The following ZNF584 variants were observed in gnomAD, a reference collection of about 807,000 sequenced individuals.
ZNF584 encodes zinc finger protein 584.
In ZNF584, 12 loss-of-function variants were observed where a neutral mutation model predicts 14.7. The observed-to-expected ratio is 0.82, with a 90% confidence interval of 0.52 to 1.32. The LOEUF is 1.32. Ranked by LOEUF, ZNF584 falls within the 40% of genes most tolerant of loss-of-function variation. ZNF584 has a pLI of 0.00. For missense variants in ZNF584, 478 were observed against 518.8 expected, an observed-to-expected ratio of 0.92 and a Z score of 0.76; for synonymous variants, 204 against 190.9, an observed-to-expected ratio of 1.07 and a Z score of -0.57.
chr19:58,411,135 T>G (rs11666303), intron 2 of ZNF584, among the ~76,000 whole-genome samples: 27,134 of 151,960 alleles, frequency 0.18, 2,659 homozygotes, highest in Non-Finnish European at 0.22. Context: ...TACTTTATTC[T>G]TCACTGTTAA....
intron 2 of ZNF584, among the ~76,000 whole-genome samples, chr19:58,412,089 C>T (rs2052581586): frequency 6.8e-6 from 1 of 146,964 alleles, no homozygotes; most frequent in South Asian, 2.2e-4. Flanking sequence ...TCAAGTGATT[C>T]TCCTGCCCCC....
chr19:58,409,104 C>A lies in ZNF584; in HGVS notation c.-44C>A. 6.8e-7 allele frequency: 1 copy of A among 1,472,216 alleles called. No homozygotes were observed. Among genetic ancestry groups the A allele is most frequent in the Non-Finnish European group, 9.1e-7 (1 of 1,102,978 alleles). 91.2% of individuals were successfully genotyped at this position (1,472,216 alleles called of 1,614,324 possible). ...TTTCCGCGCCCGGGACGCGTTTCGG[C>A]TGAGGCCGTGGGTCCAGTCCACGGG... On this transcript the variant is annotated 5_prime_UTR_variant, in exon 1 of 4. In the 5' UTR this introduces an upstream ATG that the reference lacks. Coordinates refer to ENST00000306910, the MANE Select transcript of ZNF584 (RefSeq NM_173548.3).
chr19:58,406,829 A>T (rs942558662), upstream of ZNF584: 2 of 152,328 alleles, frequency 1.3e-5, no homozygotes, highest in African/African-American at 4.8e-5. Context: ...CCACCATGAC[A>T]GTCCAGGGGT....
upstream of ZNF584, chr19:58,404,875 CCCACCT>C (rs1489934453): frequency 6.5e-5 from 10 of 154,228 alleles, no homozygotes; most frequent in African/African-American, 2.3e-4. Flanking sequence ...GACCCCCCCC[CCCACCT>C]CCCTCCTGGA....
Position 58,417,504 on chromosome 19 carries a change from A to T in ZNF584, c.986A>T (p.Lys329Met). 1 of 1,614,206 alleles carries T rather than the reference A, an allele frequency of 6.2e-7. No individual in the cohort carries two copies. The highest frequency in any genetic ancestry group is 8.5e-7 in the Non-Finnish European group (1 of 1,180,034). ...VHTGERPFECKQCGKGYVTRS... is the reference protein window; with the variant it reads ...VHTGERPFECMQCGKGYVTRS... The stretch of plus-strand genomic sequence containing the variant: ...ACTGGAGAAAGGCCTTTTGAATGCA[A>T]GCAATGTGGGAAAGGCTACGTGACC... The change falls in exon 4 of 4, where the codon AAG becomes ATG. Residue 329 changes from lysine (K) to methionine (M), a missense_variant. By Grantham distance (95) the Lys-to-Met change is moderately conservative. Around this residue, in one of 3 missense-constraint regions of ZNF584, gnomAD observed 283 missense variants for 317.3 expected, o/e 0.89. Transcript: ENST00000306910.
chr19:58,401,674 G>A (rs1355929245), intron 1 of ZNF584: 1 of 151,720 alleles, frequency 6.6e-6, no homozygotes, highest in Non-Finnish European at 1.5e-5. Flanking sequence ...TGAGCAGCAA[G>A]CGAGAGACCA....
chr19:58,409,295 G>A, intron 1 of ZNF584, 130 bp downstream of exon 1: 1 of 1,124,814 alleles, frequency 8.9e-7, no homozygotes, highest in Non-Finnish European at 1.2e-6. Context: ...GCACGGCTGG[G>A]GCATGCCCTT....
chr19:58,410,557 A>T (rs796479739), intron 2 of ZNF584, among the ~76,000 whole-genome samples: 18 of 25,972 alleles, frequency 6.9e-4, no homozygotes, highest in African/African-American at 1.3e-3. Flanking sequence ...ATATATATAT[A>T]TGTGTATATA....
chr19:58,406,635 C>A (rs2052476063), upstream of ZNF584: 1 of 152,022 alleles, frequency 6.6e-6, no homozygotes, highest in African/African-American at 2.4e-5. Flanking sequence ...TACTTCCATC[C>A]CCAGCTTGCA....
chr19:58,410,098 C>T lies in ZNF584; in HGVS notation c.169+7C>T. 6.2e-7 allele frequency: 1 copy of T among 1,601,426 alleles called. No homozygotes were observed. The highest frequency in any genetic ancestry group is 8.5e-7 in the Non-Finnish European group (1 of 1,173,766). The stretch of plus-strand genomic sequence containing the variant: ...GCACTCGTTAGCTCACTGGGTAAGT[C>T]TCTTACACTGTCCCCCAGCACACTG... On this transcript the variant is annotated splice_region_variant and intron_variant, in intron 2 of 3. Coordinates refer to ENST00000306910, the MANE Select transcript of ZNF584 (RefSeq NM_173548.3).
At chr19:58,402,481 A>T (rs2052437624) in intron 1 of ZNF584, among the ~76,000 whole-genome samples, 1 of 152,338 alleles carries the variant, frequency 6.6e-6, no homozygotes, top group South Asian at 2.1e-4. Context: ...AACATAACAG[A>T]TTTTTTTAAA....
At chr19:58,410,576 T>C (rs1451461557) in intron 2 of ZNF584, among the ~76,000 whole-genome samples, 1 of 24,312 alleles carries the variant, frequency 4.1e-5, no homozygotes, top group Non-Finnish European at 7.0e-5. Flanking sequence ...TATATATGTA[T>C]ATATATGTAT....
rs1345174782 is a variant in ZNF584 at position 58,417,119 on chromosome 19, CAT to C, written c.604_605del (p.Ile202Ter). The part of the protein sequence containing the change: ...TGRSAFKKSA[H>X]INPRKIHTGE... ...CAGAAGTGCTTTCAAGAAGTCAGCT[CAT>C]ATTAACCCCCGAAAAATTCACACTG... On this transcript the variant is annotated frameshift_variant, in exon 4 of 4. Coordinates refer to ENST00000306910, the MANE Select transcript of ZNF584 (RefSeq NM_173548.3). LOFTEE classifies it low-confidence loss of function (END_TRUNC). The C allele has an allele frequency of 1.2e-6, 2 of 1,613,894 alleles. No individual in the cohort carries two copies. Among genetic ancestry groups the C allele is most frequent in the Non-Finnish European group, 1.7e-6 (2 of 1,179,888 alleles).
intron 1 of ZNF584, among the ~76,000 whole-genome samples, chr19:58,403,002 A>G (rs541995183): frequency 6.6e-6 from 1 of 152,312 alleles, no homozygotes; most frequent in South Asian, 2.1e-4. Context: ...GAATGGCTAC[A>G]ATGCAAAACA....
At chr19:58,414,830 A>G (rs2052619587) in intron 2 of ZNF584, among the ~76,000 whole-genome samples, 1 of 151,870 alleles carries the variant, frequency 6.6e-6, no homozygotes. Context: ...TTATTGCTGA[A>G]CAGTCTGTTT....
At chr19:58,412,085 G>T (rs1302026390) in intron 2 of ZNF584, among the ~76,000 whole-genome samples, 2 of 147,488 alleles carry the variant, frequency 1.4e-5, no homozygotes, top group Non-Finnish European at 3.0e-5. Flanking sequence ...GGGTTCAAGT[G>T]ATTCTCCTGC....
chr19:58,410,490 C>G lies in ZNF584; in HGVS notation c.169+399C>G, dbSNP rs557110855. ...GGACCTCCCTGGGCCAGGCTTGAGC[C>G]ATGAATTTTAATCAGAACGGTTTGG... On this transcript the variant is annotated intron_variant, in intron 2 of 3. Coordinates refer to ENST00000306910, the MANE Select transcript of ZNF584 (RefSeq NM_173548.3). Among the ~76,000 whole-genome samples, 99 of 138,510 alleles carry G rather than the reference C, an allele frequency of 7.1e-4. 1 individual carries two copies. The highest frequency in any genetic ancestry group is 2.6e-3 in the African/African-American group (95 of 37,230). 90.9% of individuals were successfully genotyped at this position (138,510 alleles called of 152,430 possible). A position where few individuals can be genotyped will look rare whatever the true frequency, so the allele number is the denominator to read the frequency against.
At chr19:58,409,244 G>A (rs750159665) in intron 1 of ZNF584, 79 bp downstream of exon 1, 10 of 1,353,308 alleles carry the variant, frequency 7.4e-6, no homozygotes, top group Non-Finnish European at 9.6e-6. Context: ...GTTGGAGGAG[G>A]GCAGGAGATC....
chr19:58,401,623 G>C (rs1367475805), exon 1 of ZNF584: 3 of 152,000 alleles, frequency 2.0e-5, no homozygotes, highest in African/African-American at 7.3e-5. Flanking sequence ...GCGAGGCTGC[G>C]GGACCCCAGG....
Sources: gnomAD v4.1 joint callset for allele counts (sites outside exome capture counted in the v4.1 genomes callset) on GRCh38, gnomAD v4.1.1 for gene constraint, gnomAD v4.1.1 regional missense constraint, MANE v1.5 for transcripts, NCBI Gene and HGNC (gene_info 2026-07-23, HGNC 2026-07-21) for gene names.